SPATA16: variants seen among roughly 807,000 people sequenced by gnomAD.
The protein encoded by SPATA16 is spermatogenesis associated 16.
Under a neutral mutation model 63.3 loss-of-function variants are expected in SPATA16, and 36 were observed. The ratio of observed to expected loss-of-function variants is 0.57; its 90% confidence interval spans 0.44 to 0.75. SPATA16 has a LOEUF of 0.75. Among genes scored for constraint, SPATA16 ranks in the 30% least tolerant of loss-of-function variants. The probability of loss-of-function intolerance (pLI) is 0.00; values close to 1 mark genes in which losing one functional copy is unlikely to be tolerated. For missense variants in SPATA16, 646 were observed against 679.3 expected, an observed-to-expected ratio of 0.95 and a Z score of 0.54; for synonymous variants, 203 against 216.7, an observed-to-expected ratio of 0.94 and a Z score of 0.56.
intron 3 of SPATA16, 62 bp downstream of exon 3, chr3:173,048,887 C>T: frequency 6.3e-7 from 1 of 1,586,748 alleles, no homozygotes; most frequent in South Asian, 1.1e-5. Flanking sequence ...CAGGCAAGCT[C>T]AGATAGTACC....
chr3:173,016,743 A>T (rs1374869896), intron 4 of SPATA16, among the ~76,000 whole-genome samples: 4 of 152,194 alleles, frequency 2.6e-5, no homozygotes, highest in Non-Finnish European at 4.4e-5. Context: ...AGCCAGGTGC[A>T]GTGTCTCACA....
chr3:173,117,981 A>T (rs116193793), intron 1 of SPATA16, among the ~76,000 whole-genome samples: 412 of 152,344 alleles, frequency 2.7e-3, no homozygotes, highest in African/African-American at 9.4e-3. Flanking sequence ...ACATTGTCTT[A>T]AAAAATGATC....
chr3:173,060,989 G>A (rs528112071), intron 2 of SPATA16, among the ~76,000 whole-genome samples: 1 of 152,138 alleles, frequency 6.6e-6, no homozygotes, highest in Non-Finnish European at 1.5e-5. Flanking sequence ...GATTGAGTTG[G>A]TGGTTTTTCT....
At chr3:172,958,106 T>C (rs1733644310) in intron 5 of SPATA16, among the ~76,000 whole-genome samples, 1 of 152,296 alleles carries the variant, frequency 6.6e-6, no homozygotes, top group East Asian at 1.9e-4. Flanking sequence ...CCTGTTCAAG[T>C]TCAAGGAACT....
At chr3:173,107,006 A>G (rs1408998541) in intron 2 of SPATA16, among the ~76,000 whole-genome samples, 1 of 152,158 alleles carries the variant, frequency 6.6e-6, no homozygotes, top group Non-Finnish European at 1.5e-5. Flanking sequence ...TGTGTATATC[A>G]TAGACTCCAT....
At chr3:173,038,076 G>A (rs1442545460) in intron 3 of SPATA16, among the ~76,000 whole-genome samples, 1 of 152,042 alleles carries the variant, frequency 6.6e-6, no homozygotes, top group Non-Finnish European at 1.5e-5. Flanking sequence ...GTGAGGGTGA[G>A]TCATGCATAC....
Position 173,046,861 on chromosome 3 carries a change from T to G in SPATA16, c.758+2088A>C, listed in dbSNP as rs137944796. On this transcript the variant is annotated intron_variant, in intron 3 of 10. Transcript: ENST00000351008. Reference sequence around the variant, plus strand: ...CTGCACTATGACCAGACCAGCAAAATGATTTATTTCACTTGATGCATTATT... The same window carrying G: ...CTGCACTATGACCAGACCAGCAAAAGGATTTATTTCACTTGATGCATTATT... Among the ~76,000 whole-genome samples the G allele has an allele frequency of 8.9e-3, 1,348 of 152,100 alleles. 23 individuals carry two copies. Among genetic ancestry groups the G allele is most frequent in the South Asian group, 0.012 (58 of 4,832 alleles).
At chr3:172,954,489 G>A (rs549307528) in intron 6 of SPATA16, among the ~76,000 whole-genome samples, 2 of 152,250 alleles carry the variant, frequency 1.3e-5, no homozygotes, top group South Asian at 2.1e-4. Flanking sequence ...AAACTACCAC[G>A]AAAACAAAGT....
chr3:173,088,726 C>T (rs1055729647), intron 2 of SPATA16, among the ~76,000 whole-genome samples: 1 of 152,128 alleles, frequency 6.6e-6, no homozygotes, highest in Non-Finnish European at 1.5e-5. Context: ...GGAGAAAACT[C>T]AGATTATATT....
intron 5 of SPATA16, among the ~76,000 whole-genome samples, chr3:172,957,540 A>G (rs1733626401): frequency 6.6e-6 from 1 of 152,210 alleles, no homozygotes; most frequent in Non-Finnish European, 1.5e-5. Context: ...TTTAAGAGGA[A>G]CTTACTCCTT....
At position 172,980,524 on chromosome 3, in the gene SPATA16, G is replaced by A. The variant is rs548095288; in HGVS notation, c.849-3472C>T. Reference sequence around the variant, plus strand: ...AGGCAAACCCTTTTAACTGACGATCGGCGGCTTAACATCTGCTAATTTTGA... The same window carrying A: ...AGGCAAACCCTTTTAACTGACGATCAGCGGCTTAACATCTGCTAATTTTGA... On this transcript the variant is annotated intron_variant, in intron 4 of 10. Transcript: ENST00000351008. Among the ~76,000 whole-genome samples the A allele has an allele frequency of 4.6e-5, 7 of 152,174 alleles. No homozygotes were observed. The South Asian group carries it at 1.5e-3, about 32-fold the overall frequency.
intron 10 of SPATA16, among the ~76,000 whole-genome samples, chr3:172,897,821 C>A (rs1447324994): frequency 6.6e-6 from 1 of 151,986 alleles, no homozygotes; most frequent in African/African-American, 2.4e-5. Flanking sequence ...AGCTAATATC[C>A]TTTCCCTGTT....
At chr3:173,000,585 A>T (rs1734795247) in intron 4 of SPATA16, among the ~76,000 whole-genome samples, 1 of 152,122 alleles carries the variant, frequency 6.6e-6, no homozygotes, top group Admixed American at 6.6e-5. Context: ...GTCTGACACT[A>T]ATTTAAGGAA....
In SPATA16 at chr3:172,956,809, C is replaced by T. The variant is rs772915401; in HGVS notation, c.949G>A (p.Ala317Thr). Reference sequence around the variant, plus strand: ...GAGAAAGATTCAGCTCTGGTGATGGCTTCCTCAATCATGGCCTAAGAGGAA... The same window carrying T: ...GAGAAAGATTCAGCTCTGGTGATGGTTTCCTCAATCATGGCCTAAGAGGAA... ...KLYWQAMIEE[A>T]ITRAESFSVM... is the part of the protein sequence containing the mutation. The change falls in exon 6 of 11, where the codon GCC becomes ACC. Residue 317 changes from alanine (A) to threonine (T), a missense_variant. By Grantham distance (58) the Ala-to-Thr change is moderately conservative. Coordinates refer to ENST00000351008, the MANE Select transcript of SPATA16 (RefSeq NM_031955.6). 1 of 1,613,304 alleles carries T rather than the reference C, an allele frequency of 6.2e-7. No individual in the cohort carries two copies.
intron 3 of SPATA16, among the ~76,000 whole-genome samples, chr3:173,025,811 T>C (rs1280194414): frequency 6.6e-6 from 1 of 152,044 alleles, no homozygotes; most frequent in East Asian, 1.9e-4. Flanking sequence ...ACTGCTTAAC[T>C]ATTAGCAGTT....
intron 8 of SPATA16, among the ~76,000 whole-genome samples, chr3:172,918,403 T>C (rs1199587484): frequency 2.6e-5 from 4 of 152,142 alleles, no homozygotes; most frequent in Non-Finnish European, 5.9e-5. Flanking sequence ...GATTGTTGGA[T>C]GCATAACAAA....
intron 2 of SPATA16, among the ~76,000 whole-genome samples, chr3:173,091,046 G>GA (rs146322941): frequency 0.13 from 19,054 of 151,112 alleles, 1,418 homozygotes; most frequent in South Asian, 0.26. Flanking sequence ...CAGCTTCTGG[G>GA]AAAAAAAAAG....
intron 4 of SPATA16, among the ~76,000 whole-genome samples, chr3:172,986,717 A>G (rs1024219089): frequency 4.6e-5 from 7 of 152,198 alleles, no homozygotes; most frequent in African/African-American, 1.7e-4. Context: ...CCTGGATTTC[A>G]TCCTGTGGGT....
intron 5 of SPATA16, among the ~76,000 whole-genome samples, chr3:172,960,945 TC>T (rs202092839): frequency 0.021 from 2,901 of 138,268 alleles, 115 homozygotes; most frequent in African/African-American, 0.074. Flanking sequence ...CTTTCTCTCT[TC>T]CCCCCTCCCT....
Sources: gnomAD v4.1 joint callset for allele counts (sites outside exome capture counted in the v4.1 genomes callset) on GRCh38, gnomAD v4.1.1 for gene constraint, MANE v1.5 for transcripts, NCBI Gene and HGNC (gene_info 2026-07-23, HGNC 2026-07-21) for gene names.